Variants in TUSC3 observed in about 807,000 individuals in gnomAD.
TUSC3 encodes tumor suppressor candidate 3.
A neutral mutation model predicts 44.8 loss-of-function variants in TUSC3; 45 were observed. The ratio of observed to expected loss-of-function variants is 1.00; its 90% CI spans 0.79 to 1.29. The LOEUF (loss-of-function observed/expected upper bound fraction) is 1.29, where lower values mean the gene tolerates loss of function less well. TUSC3 is among the 50% of genes most tolerant of loss of function. The pLI is 0.00. For synonymous variants in TUSC3, 212 were observed against 152.9 expected, an observed-to-expected ratio of 1.39 and a Z score of -2.85; for missense variants, 519 against 437.9, an observed-to-expected ratio of 1.19 and a Z score of -1.65.
At chr8:15,785,556 T>G in the TUSC3 span, among the ~76,000 whole-genome samples, 1 of 150,708 alleles carries the variant, frequency 6.6e-6, no homozygotes, top group Non-Finnish European at 1.5e-5. Context: ...CAGGGGGGAG[T>G]TGGGGGACGT....
At chr8:15,690,028 C>T (rs1808830047) in intron 6 of TUSC3, among the ~76,000 whole-genome samples, 1 of 151,984 alleles carries the variant, frequency 6.6e-6, no homozygotes, top group Admixed American at 6.6e-5. Context: ...GGTGTATACA[C>T]AATAATGGGA....
At chr8:15,681,063 G>C (rs1269471834) in intron 6 of TUSC3, among the ~76,000 whole-genome samples, 2 of 150,670 alleles carry the variant, frequency 1.3e-5, no homozygotes, top group Non-Finnish European at 3.0e-5. Flanking sequence ...TTGTGTCTTT[G>C]CCAGGTTTTG....
chr8:15,618,724 C>T (rs532282140), intron 1 of TUSC3, among the ~76,000 whole-genome samples: 50 of 152,268 alleles, frequency 3.3e-4, no homozygotes, highest in African/African-American at 1.2e-3. Flanking sequence ...AGTTGTTTAT[C>T]GTTATCAAGT....
At chr8:15,428,504 C>T (rs899553230) in intron 1 of TUSC3, among the ~76,000 whole-genome samples, 3 of 152,068 alleles carry the variant, frequency 2.0e-5, no homozygotes, top group African/African-American at 4.8e-5. Context: ...ATGGCTGGGT[C>T]AAATGGTATT....
At chr8:15,499,414 C>G (rs1257676150) in intron 2 of TUSC3, among the ~76,000 whole-genome samples, 1 of 152,140 alleles carries the variant, frequency 6.6e-6, no homozygotes, top group Non-Finnish European at 1.5e-5. Context: ...TCTATCATAT[C>G]CATTTCCAGT....
chr8:15,628,417 A>G (rs1397728417), intron 2 of TUSC3, among the ~76,000 whole-genome samples: 2 of 152,100 alleles, frequency 1.3e-5, no homozygotes, highest in African/African-American at 2.4e-5. Flanking sequence ...GCCTATAACA[A>G]CTTTTTTCAT....
intron 1 of TUSC3, among the ~76,000 whole-genome samples, chr8:15,597,752 T>G (rs1804128990): frequency 6.6e-6 from 1 of 152,054 alleles, no homozygotes; most frequent in Non-Finnish European, 1.5e-5. Flanking sequence ...GACATATACT[T>G]GAAAGCATAT....
At chr8:15,433,548 A>G (rs1396397312) in intron 1 of TUSC3, among the ~76,000 whole-genome samples, 2 of 151,916 alleles carry the variant, frequency 1.3e-5, no homozygotes, top group African/African-American at 2.4e-5. Context: ...TCCCCCACCC[A>G]TATAACAGCC....
At chr8:15,485,890 T>A (rs1420551573) in intron 2 of TUSC3, among the ~76,000 whole-genome samples, 1 of 152,070 alleles carries the variant, frequency 6.6e-6, no homozygotes, top group Non-Finnish European at 1.5e-5. Flanking sequence ...CCTCCTGGGT[T>A]CAAGTGATTC....
At chr8:15,739,217 G>C (rs1324202819) in intron 7 of TUSC3, among the ~76,000 whole-genome samples, 2 of 152,016 alleles carry the variant, frequency 1.3e-5, no homozygotes, top group African/African-American at 4.8e-5. Flanking sequence ...GTTATAGTTG[G>C]ACATTTACAT....
chr8:15,850,220 G>C, the TUSC3 span, among the ~76,000 whole-genome samples: 1 of 150,990 alleles, frequency 6.6e-6, no homozygotes, highest in Admixed American at 6.6e-5. Flanking sequence ...TATGAACATA[G>C]ATACTAAATC....
intron 2 of TUSC3, among the ~76,000 whole-genome samples, chr8:15,624,340 G>A (rs1175534974): frequency 3.3e-5 from 5 of 152,184 alleles, no homozygotes; most frequent in African/African-American, 7.2e-5. Context: ...GCCACAGAGT[G>A]TGGTGGTTAG....
At chr8:15,813,063 C>T in the TUSC3 span, among the ~76,000 whole-genome samples, 6 of 152,014 alleles carry the variant, frequency 3.9e-5, no homozygotes, top group South Asian at 2.1e-4. Flanking sequence ...CACTGCACTG[C>T]GGCCTGGACA....
At chr8:15,480,979 G>A (rs2129124324) in intron 1 of TUSC3, among the ~76,000 whole-genome samples, 1 of 152,222 alleles carries the variant, frequency 6.6e-6, no homozygotes, top group South Asian at 2.1e-4. Flanking sequence ...CAGGCAAGGT[G>A]GCTCACGCCT....
chr8:15,835,876 T>C, the TUSC3 span, among the ~76,000 whole-genome samples: 2 of 152,112 alleles, frequency 1.3e-5, no homozygotes, highest in Non-Finnish European at 2.9e-5. Context: ...TTTTCTGATA[T>C]TGATGTATTT....
chr8:15,426,530 C>T (rs1799806548), intron 1 of TUSC3, among the ~76,000 whole-genome samples: 1 of 152,184 alleles, frequency 6.6e-6, no homozygotes, highest in South Asian at 2.1e-4. Flanking sequence ...TTTCACTAAG[C>T]ATAATGTCCT....
At chr8:15,814,789 C>T in the TUSC3 span, among the ~76,000 whole-genome samples, 1 of 152,054 alleles carries the variant, frequency 6.6e-6, no homozygotes, top group Non-Finnish European at 1.5e-5. Flanking sequence ...GTGAAATAAC[C>T]TACTGCACAA....
chr8:15,669,465 T>C (rs1807843152), intron 5 of TUSC3, among the ~76,000 whole-genome samples: 1 of 151,800 alleles, frequency 6.6e-6, no homozygotes, highest in Non-Finnish European at 1.5e-5. Context: ...CCAGTCTTTC[T>C]CATGGATATA....
At chr8:15,601,114 A>T (rs1269187520) in intron 1 of TUSC3, among the ~76,000 whole-genome samples, 3 of 151,772 alleles carry the variant, frequency 2.0e-5, no homozygotes, top group East Asian at 3.9e-4. Context: ...TACAGTATCC[A>T]TAGGTAGCAA....
Sources: gnomAD v4.1 joint callset for allele counts (sites outside exome capture counted in the v4.1 genomes callset) on GRCh38, gnomAD v4.1.1 for gene constraint, MANE v1.5 for transcripts, NCBI Gene and HGNC (gene_info 2026-07-23, HGNC 2026-07-21) for gene names.